MAST4: variants seen among roughly 807,000 people sequenced by gnomAD.
MAST4 encodes the protein microtubule-associated serine/threonine-protein kinase 4.
A neutral mutation model predicts 162.7 loss-of-function variants in MAST4; 89 were observed. That is an observed-to-expected ratio of 0.55 (90% CI 0.46 to 0.65). The LOEUF (loss-of-function observed/expected upper bound fraction) is 0.65, where lower values mean the gene tolerates loss of function less well. Among genes scored for constraint, MAST4 ranks in the 30% least tolerant of loss-of-function variants. The probability of loss-of-function intolerance (pLI) is 0.00; values close to 1 mark genes in which losing one functional copy is unlikely to be tolerated. For missense variants in MAST4, 3,153 were observed against 3,374.0 expected, an observed-to-expected ratio of 0.93 and a Z score of 1.62; for synonymous variants, 1,479 against 1,361.1, an observed-to-expected ratio of 1.09 and a Z score of -1.91.
chr5:66,809,866 G>C (rs1756393036), intron 3 of MAST4, among the ~76,000 whole-genome samples: 2 of 152,176 alleles, frequency 1.3e-5, no homozygotes, highest in Non-Finnish European at 2.9e-5. Flanking sequence ...TTCCCGAGTA[G>C]CTGGGATTAC....
At chr5:66,727,914 C>T (rs1751621140) in intron 1 of MAST4, among the ~76,000 whole-genome samples, 1 of 152,068 alleles carries the variant, frequency 6.6e-6, no homozygotes, top group African/African-American at 2.4e-5. Context: ...TATAATGTTG[C>T]AGTGGAAAGC....
intron 5 of MAST4, among the ~76,000 whole-genome samples, chr5:67,070,293 A>G (rs886475710): frequency 2.3e-4 from 35 of 152,176 alleles, no homozygotes; most frequent in African/African-American, 8.2e-4. Flanking sequence ...ATTTCACATA[A>G]GCAGTATCAG....
At chr5:66,667,457 G>A (rs1030298003) in intron 1 of MAST4, among the ~76,000 whole-genome samples, 1 of 152,088 alleles carries the variant, frequency 6.6e-6, no homozygotes, top group Non-Finnish European at 1.5e-5. Flanking sequence ...TCGCATTTTA[G>A]GATATGTGAT....
rs918362380 is a variant in MAST4 at position 67,021,573 on chromosome 5, A to G, written c.675-32831A>G. Among the ~76,000 whole-genome samples the G allele has an allele frequency of 3.9e-5, 6 of 152,206 alleles. No individual in the cohort carries two copies. The East Asian group carries it at 1.2e-3, about 29-fold the overall frequency. Reference sequence around the variant, plus strand: ...ATTTGAACAAAAAAGTTCTCAAAGGAGCAATAAGATTTTTTTGGTGTGTTT... The same window carrying G: ...ATTTGAACAAAAAAGTTCTCAAAGGGGCAATAAGATTTTTTTGGTGTGTTT... On this transcript the variant is annotated intron_variant, in intron 4 of 28. Transcript: ENST00000403625.
intron 1 of MAST4, among the ~76,000 whole-genome samples, chr5:66,626,793 C>G (rs575950585): frequency 6.6e-6 from 1 of 152,132 alleles, no homozygotes; most frequent in African/African-American, 2.4e-5. Flanking sequence ...TGTTAAACAC[C>G]TAAGTGGAGA....
At chr5:66,785,338 TTATA>T (rs1272008906) in intron 2 of MAST4, among the ~76,000 whole-genome samples, 1 of 152,224 alleles carries the variant, frequency 6.6e-6, no homozygotes, top group Non-Finnish European at 1.5e-5. Flanking sequence ...GCTTTTCTCT[TTATA>T]AATAATATAT....
At chr5:67,043,306 A>G (rs1177908795) in intron 4 of MAST4, among the ~76,000 whole-genome samples, 1 of 152,194 alleles carries the variant, frequency 6.6e-6, no homozygotes, top group Admixed American at 6.5e-5. Context: ...TATTATAATA[A>G]TTTAGTTGCT....
At chr5:66,938,519 G>A (rs751142265) in intron 4 of MAST4, among the ~76,000 whole-genome samples, 3 of 152,164 alleles carry the variant, frequency 2.0e-5, no homozygotes, top group Admixed American at 6.5e-5. Context: ...CTATTCATGA[G>A]TTTAAAGAGG....
intron 7 of MAST4, 81 bp from the exon 8 acceptor site, chr5:67,100,354 G>GT: frequency 7.0e-7 from 1 of 1,424,876 alleles, no homozygotes; most frequent in Non-Finnish European, 9.7e-7. Flanking sequence ...TATTGTCCAA[G>GT]TTTAACTCAT....
chr5:67,102,982 G>A (rs747319774), intron 9 of MAST4, among the ~76,000 whole-genome samples: 43 of 152,272 alleles, frequency 2.8e-4, no homozygotes, highest in Middle Eastern at 3.4e-3. Flanking sequence ...GTTTTTCTCC[G>A]TTAGAAGCCT....
At chr5:66,635,519 A>T (rs556632210) in intron 1 of MAST4, among the ~76,000 whole-genome samples, 67 of 152,318 alleles carry the variant, frequency 4.4e-4, no homozygotes, top group African/African-American at 1.6e-3. Flanking sequence ...TTGGGGCAGA[A>T]ATTAGTATAG....
intron 1 of MAST4, among the ~76,000 whole-genome samples, chr5:66,642,535 TAGAG>T (rs1022552033): frequency 2.0e-5 from 3 of 152,310 alleles, no homozygotes; most frequent in South Asian, 2.1e-4. Flanking sequence ...AGTTATCTTT[TAGAG>T]AGACGTACAG....
intron 3 of MAST4, among the ~76,000 whole-genome samples, chr5:66,803,949 T>A (rs537049980): frequency 1.4e-4 from 21 of 152,206 alleles, no homozygotes; most frequent in East Asian, 5.8e-4. Context: ...CTTTTTTTTT[T>A]TAAAAAGCTC....
chr5:66,975,660 C>G (rs1050541027), intron 4 of MAST4, among the ~76,000 whole-genome samples: 4 of 152,090 alleles, frequency 2.6e-5, no homozygotes, highest in Non-Finnish European at 5.9e-5. Context: ...AGAACATGAC[C>G]AGTCCTGCTT....
At chr5:66,840,713 C>T (rs1424751448) in intron 3 of MAST4, among the ~76,000 whole-genome samples, 1 of 152,156 alleles carries the variant, frequency 6.6e-6, no homozygotes, top group Non-Finnish European at 1.5e-5. Context: ...CTTTGGTCAT[C>T]TATCTTGAGA....
intron 5 of MAST4, among the ~76,000 whole-genome samples, chr5:67,064,542 A>G (rs2150616035): frequency 6.6e-6 from 1 of 152,334 alleles, no homozygotes; most frequent in South Asian, 2.1e-4. Context: ...TGTACATCAT[A>G]CATTATCTTA....
At chr5:66,916,936 A>AT (rs1321856539) in intron 4 of MAST4, 17 of 715,744 alleles carry the variant, frequency 2.4e-5, no homozygotes, top group African/African-American at 1.4e-4. Flanking sequence ...GCAATAAACA[A>AT]TTTTTTTACC....
chr5:67,012,622 T>C (rs1032803601), intron 4 of MAST4, among the ~76,000 whole-genome samples: 3 of 152,192 alleles, frequency 2.0e-5, no homozygotes, highest in Admixed American at 6.5e-5. Context: ...GTAGAGTCAG[T>C]CTCTATCAGT....
Position 67,164,346 on chromosome 5 carries a change from G to C in MAST4, c.5167G>C (p.Val1723Leu). 1 of 1,613,958 alleles carries C rather than the reference G, an allele frequency of 6.2e-7. No individual in the cohort carries two copies. Among genetic ancestry groups the C allele is most frequent in the Non-Finnish European group, 8.5e-7 (1 of 1,179,870 alleles). ...CCACGAATGCCTGCCAGGGAACCCA[G>C]TCCGACCCACGGGTGGGCAGCAGGA... is the stretch of plus-strand genomic sequence containing the variant. ...GSHECLPGNP[V>L]RPTGGQQEPP... The change falls in exon 29 of 29, where the codon GTC (valine) becomes CTC (leucine). Residue 1723 changes from valine to leucine, a missense_variant. By Grantham distance (32) the Val-to-Leu change is conservative (BLOSUM62 1). This residue lies in a region of MAST4 where 1,644 missense variants were observed against 1,495.0 expected (regional missense o/e 1.10). Transcript: ENST00000403625. This position sits in a 1 kb window ranked among gnomAD's most constrained non-coding sequence, Gnocchi z 5.3.
Sources: gnomAD v4.1 joint callset for allele counts (sites outside exome capture counted in the v4.1 genomes callset) on GRCh38, gnomAD v4.1.1 for gene constraint, gnomAD v4.1.1 regional missense constraint, Gnocchi (gnomAD v3.1) non-coding constraint, MANE v1.5 for transcripts, NCBI Gene and HGNC (gene_info 2026-07-23, HGNC 2026-07-21) for gene names.